Variants in DLGAP1 observed in about 807,000 individuals in gnomAD.
The protein encoded by DLGAP1 is DLG associated protein 1, also known as disks large-associated protein 1.
In DLGAP1, 11 loss-of-function variants were observed where a neutral mutation model predicts 90.8. That is an observed-to-expected ratio of 0.12 (90% CI 0.08 to 0.20). The LOEUF (loss-of-function observed/expected upper bound fraction) is 0.20, where lower values mean the gene tolerates loss of function less well. Among genes scored for constraint, DLGAP1 ranks in the 10% least tolerant of loss-of-function variants. DLGAP1 has a pLI of 1.00. For synonymous variants in DLGAP1, 558 were observed against 540.7 expected, an observed-to-expected ratio of 1.03 and a Z score of -0.44; for missense variants, 1,050 against 1,333.8, an observed-to-expected ratio of 0.79 and a Z score of 3.31.
chr18:4,329,691 G>C (rs767229635), intron 1 of DLGAP1, among the ~76,000 whole-genome samples: 28 of 152,002 alleles, frequency 1.8e-4, no homozygotes, highest in South Asian at 2.1e-4. Flanking sequence ...TCAGTCTATA[G>C]ATTTTGAAAA....
In DLGAP1 at chr18:4,119,279, A is replaced by G. The variant is rs2076115106; in HGVS notation, c.-159+31901T>C. ...GTTAATTTTCCTTTTCTTTTTGTAG[A>G]GATGGGTTCTCACTATGTCTCACGG... On this transcript the variant is annotated intron_variant, in intron 2 of 12. Coordinates refer to ENST00000315677, the MANE Select transcript of DLGAP1 (RefSeq NM_004746.4). Among the ~76,000 whole-genome samples, 4 of 152,032 alleles carry G rather than the reference A, an allele frequency of 2.6e-5. No individual in the cohort carries two copies. In the South Asian group the frequency reaches 8.3e-4, roughly 32 times the overall value.
At chr18:3,767,039 A>C (rs1188912592) in intron 5 of DLGAP1, among the ~76,000 whole-genome samples, 1 of 152,160 alleles carries the variant, frequency 6.6e-6, no homozygotes, top group East Asian at 1.9e-4. Context: ...GACAAAGAAT[A>C]AAAGAGAAAA....
chr18:3,535,432 G>A (rs2052299898), intron 9 of DLGAP1, among the ~76,000 whole-genome samples: 1 of 152,206 alleles, frequency 6.6e-6, no homozygotes, highest in Non-Finnish European at 1.5e-5. Flanking sequence ...AAAGGGCCGG[G>A]CGTGGTGGCT....
chr18:3,520,928 G>C (rs1848347469), intron 10 of DLGAP1, among the ~76,000 whole-genome samples: 1 of 152,234 alleles, frequency 6.6e-6, no homozygotes, highest in South Asian at 2.1e-4. Flanking sequence ...CAGATCCCCT[G>C]GGTCTCCCAA....
chr18:3,553,271 G>T (rs1040140128), intron 9 of DLGAP1, among the ~76,000 whole-genome samples: 28 of 152,284 alleles, frequency 1.8e-4, no homozygotes, highest in African/African-American at 6.5e-4. Context: ...TAAAGATGTT[G>T]TAAGACTATA....
intron 12 of DLGAP1, among the ~76,000 whole-genome samples, chr18:3,500,194 A>G (rs2049857923): frequency 6.6e-6 from 1 of 152,218 alleles, no homozygotes; most frequent in African/African-American, 2.4e-5. Flanking sequence ...CATTCCTCTT[A>G]TCAGCAGCAA....
chr18:4,220,929 T>C (rs946329108), intron 1 of DLGAP1, among the ~76,000 whole-genome samples: 1 of 152,180 alleles, frequency 6.6e-6, no homozygotes, highest in East Asian at 1.9e-4. Context: ...CTGTGCTTTT[T>C]CTATGTTTAG....
chr18:4,124,367 T>C (rs1207987648), intron 2 of DLGAP1, among the ~76,000 whole-genome samples: 1 of 152,256 alleles, frequency 6.6e-6, no homozygotes, highest in Non-Finnish European at 1.5e-5. Context: ...ATAATCCTCA[T>C]GCCTCTAAAA....
chr18:3,897,967 T>TTTTTTTTTTTTG lies in DLGAP1; in HGVS notation c.-72-17828_-72-17827insCAAAAAAAAAAA, dbSNP rs1158030379. On this transcript the variant is annotated intron_variant, in intron 3 of 12. Coordinates refer to ENST00000315677, the MANE Select transcript of DLGAP1 (RefSeq NM_004746.4). ...CCGCCACCGCGCCCGGCTAATTTTTTGTATTTTTAGTAGAGACGGGGTTTC... is the reference window on the plus strand; with the variant it reads ...CCGCCACCGCGCCCGGCTAATTTTTTTTTTTTTTTTTGGTATTTTTAGTAGAGACGGGGTTTC... Among the ~76,000 whole-genome samples the TTTTTTTTTTTTG allele has an allele frequency of 2.4e-4, 37 of 151,558 alleles. No individual in the cohort carries two copies. In the East Asian group the frequency reaches 7.0e-3, roughly 29 times the overall value.
intron 4 of DLGAP1, among the ~76,000 whole-genome samples, chr18:3,825,945 T>C (rs2067687497): frequency 1.3e-5 from 2 of 152,134 alleles, no homozygotes; most frequent in South Asian, 4.1e-4. Flanking sequence ...TATGCAGCCA[T>C]AAAAAAAGAA....
At chr18:4,437,989 T>C (rs562034835) in intron 1 of DLGAP1, among the ~76,000 whole-genome samples, 23 of 152,330 alleles carry the variant, frequency 1.5e-4, no homozygotes, top group Admixed American at 1.2e-3. Flanking sequence ...TTGGAGGTTA[T>C]GTTAAGGTAG....
chr18:3,887,263 C>G (rs2071340986), intron 3 of DLGAP1, among the ~76,000 whole-genome samples: 2 of 152,288 alleles, frequency 1.3e-5, no homozygotes, highest in South Asian at 4.1e-4. Context: ...GCACCTGCAC[C>G]TGTTCCTAAG....
intron 4 of DLGAP1, among the ~76,000 whole-genome samples, chr18:3,867,006 C>A (rs554674924): frequency 1.6e-4 from 25 of 152,156 alleles, no homozygotes; most frequent in Admixed American, 1.5e-3. Flanking sequence ...CACATGCCAC[C>A]ACACCCGGCT....
At chr18:4,418,970 C>G (rs2082967620) in intron 1 of DLGAP1, among the ~76,000 whole-genome samples, 1 of 152,030 alleles carries the variant, frequency 6.6e-6, no homozygotes, top group African/African-American at 2.4e-5. Context: ...AAGAGGAAAT[C>G]TTGGAGGCAA....
At chr18:4,360,175 AGAG>A (rs1433327557) in intron 1 of DLGAP1, among the ~76,000 whole-genome samples, 12 of 152,350 alleles carry the variant, frequency 7.9e-5, no homozygotes, top group African/African-American at 2.9e-4. Flanking sequence ...GACAGAAAAA[AGAG>A]GATGGCTGAG....
chr18:4,060,100 T>C (rs2075278541), intron 2 of DLGAP1, among the ~76,000 whole-genome samples: 1 of 152,222 alleles, frequency 6.6e-6, no homozygotes, highest in Non-Finnish European at 1.5e-5. Context: ...CCAAAGGGTC[T>C]CCAGGACAGA....
At position 3,711,395 on chromosome 18, in the gene DLGAP1, T is replaced by C. The variant is rs906620939; in HGVS notation, c.1591+17740A>G. Among the ~76,000 whole-genome samples the C allele has an allele frequency of 4.6e-5, 7 of 152,224 alleles. No individual in the cohort carries two copies. Among genetic ancestry groups the C allele is most frequent in the Admixed American group, 1.3e-4 (2 of 15,284 alleles). Reference sequence around the variant, plus strand: ...TAAATCGACCTGTTTATAAAATGTATATGCCCAATTAGTCTATTGGAACAA... The same window carrying C: ...TAAATCGACCTGTTTATAAAATGTACATGCCCAATTAGTCTATTGGAACAA... On this transcript the variant is annotated intron_variant, in intron 7 of 12. Coordinates refer to ENST00000315677, the MANE Select transcript of DLGAP1 (RefSeq NM_004746.4). The surrounding 1 kb of genome is among the most constrained non-coding windows in gnomAD (Gnocchi z 4.0).
intron 1 of DLGAP1, among the ~76,000 whole-genome samples, chr18:4,269,488 G>A (rs955314633): frequency 3.3e-5 from 5 of 151,486 alleles, no homozygotes; most frequent in African/African-American, 1.2e-4. Context: ...CGAGTAGCTG[G>A]GACTACAGGA....
intron 5 of DLGAP1, among the ~76,000 whole-genome samples, chr18:3,784,967 G>A (rs1041611980): frequency 9.9e-5 from 15 of 152,106 alleles, no homozygotes; most frequent in African/African-American, 3.6e-4. Flanking sequence ...CCTTTTCTGG[G>A]TTTGTAAAAT....
Sources: allele counts gnomAD v4.1 joint callset (sites outside exome capture counted in the v4.1 genomes callset), GRCh38; gene constraint gnomAD v4.1.1; non-coding constraint Gnocchi (gnomAD v3.1); transcripts MANE v1.5; gene names NCBI Gene and HGNC (gene_info 2026-07-23, HGNC 2026-07-21).